SUPT3H: variants seen among roughly 807,000 people sequenced by gnomAD.
SUPT3H encodes the protein transcription initiation protein SPT3 homolog.
Under a neutral mutation model 44.3 loss-of-function variants are expected in SUPT3H, and 44 were observed. The observed-to-expected ratio is 0.99, with a 90% CI of 0.78 to 1.28. The LOEUF is 1.28. Among genes scored for constraint, SUPT3H ranks in the 50% most tolerant of loss-of-function variants. SUPT3H has a pLI of 0.00. For synonymous variants in SUPT3H, 124 were observed against 125.6 expected, an observed-to-expected ratio of 0.99 and a Z score of 0.09; for missense variants, 380 against 387.1, an observed-to-expected ratio of 0.98 and a Z score of 0.15.
chr6:44,952,786 T>C (rs1019898432), intron 9 of SUPT3H, among the ~76,000 whole-genome samples: 3 of 152,170 alleles, frequency 2.0e-5, no homozygotes, highest in Admixed American at 6.5e-5. Flanking sequence ...ACGGTTCCCA[T>C]AGCAAAGCCA....
chr6:45,348,908 A>G (rs955549996), intron 2 of SUPT3H, among the ~76,000 whole-genome samples: 1 of 152,016 alleles, frequency 6.6e-6, no homozygotes, highest in African/African-American at 2.4e-5. Flanking sequence ...TATCCTGTAC[A>G]TTTTCCTTCA....
intron 6 of SUPT3H, among the ~76,000 whole-genome samples, chr6:44,992,334 G>C (rs1157401295): frequency 1.3e-5 from 2 of 152,086 alleles, no homozygotes; most frequent in Non-Finnish European, 1.5e-5. Flanking sequence ...ATCCGTTTAG[G>C]CAAGACTAAA....
intron 2 of SUPT3H, among the ~76,000 whole-genome samples, chr6:45,143,915 CA>C (rs2153591693): frequency 6.6e-6 from 1 of 152,190 alleles, no homozygotes; most frequent in Admixed American, 6.6e-5. Flanking sequence ...TTACTATGAA[CA>C]CCTTTATATA....
chr6:44,861,139 A>G (rs1429122488), intron 10 of SUPT3H, among the ~76,000 whole-genome samples: 1 of 151,978 alleles, frequency 6.6e-6, no homozygotes, highest in Non-Finnish European at 1.5e-5. Context: ...GCTGGAGTGT[A>G]GTAGCACGAT....
chr6:45,045,529 A>G (rs1236394944), intron 3 of SUPT3H, among the ~76,000 whole-genome samples: 1 of 152,172 alleles, frequency 6.6e-6, no homozygotes, highest in Non-Finnish European at 1.5e-5. Flanking sequence ...GTTGCTTATC[A>G]GCTTAAGGAG....
chr6:45,175,042 TAAAA>T (rs1277434168), intron 2 of SUPT3H, among the ~76,000 whole-genome samples: 1 of 132,134 alleles, frequency 7.6e-6, no homozygotes. Context: ...AAAAAAAAAT[TAAAA>T]AAATTAAATG....
intron 11 of SUPT3H, among the ~76,000 whole-genome samples, chr6:44,814,049 T>C (rs1054868266): frequency 6.6e-5 from 10 of 152,052 alleles, no homozygotes; most frequent in Non-Finnish European, 1.3e-4. Flanking sequence ...CTACAACTGT[T>C]AAAGAATAAA....
At chr6:45,004,345 A>G (rs898140487) in intron 5 of SUPT3H, among the ~76,000 whole-genome samples, 2 of 152,032 alleles carry the variant, frequency 1.3e-5, no homozygotes, top group South Asian at 4.1e-4. Context: ...CACAAAGGAA[A>G]TCTTAAAAAG....
intron 10 of SUPT3H, among the ~76,000 whole-genome samples, chr6:44,925,165 A>C (rs1769335201): frequency 6.6e-6 from 1 of 152,190 alleles, no homozygotes; most frequent in Non-Finnish European, 1.5e-5. Flanking sequence ...GTACCCTCTA[A>C]TAAATTTACA....
chr6:44,911,590 A>G (rs1298327082), intron 10 of SUPT3H, among the ~76,000 whole-genome samples: 3 of 152,110 alleles, frequency 2.0e-5, no homozygotes, highest in African/African-American at 4.8e-5. Context: ...TTTTTATTAT[A>G]ATTTTTTGAA....
chr6:44,900,619 C>A (rs1321204112), intron 10 of SUPT3H, among the ~76,000 whole-genome samples: 2 of 152,216 alleles, frequency 1.3e-5, no homozygotes, highest in Admixed American at 1.3e-4. Flanking sequence ...AAACTAAAGG[C>A]AGCAGAATCC....
At chr6:45,158,294 A>T (rs111368153) in intron 2 of SUPT3H, among the ~76,000 whole-genome samples, 6,993 of 30,434 alleles carry the variant, frequency 0.23, 811 homozygotes, top group East Asian at 0.32. Flanking sequence ...ATATATATAT[A>T]TATATTTTTT....
intron 2 of SUPT3H, among the ~76,000 whole-genome samples, chr6:45,265,672 A>T (rs1490064567): frequency 6.6e-6 from 1 of 152,092 alleles, no homozygotes; most frequent in Non-Finnish European, 1.5e-5. Flanking sequence ...TTTAGAAATA[A>T]ATCTGCAGAA....
chr6:45,267,968 T>A (rs1307432227), intron 2 of SUPT3H, among the ~76,000 whole-genome samples: 1 of 152,218 alleles, frequency 6.6e-6, no homozygotes, highest in Non-Finnish European at 1.5e-5. Context: ...TTATTTGCTA[T>A]GCAACAATAG....
chr6:45,087,860 A>G (rs1796668874), intron 3 of SUPT3H, among the ~76,000 whole-genome samples: 1 of 152,018 alleles, frequency 6.6e-6, no homozygotes, highest in Admixed American at 6.6e-5. Context: ...GAAAACCATC[A>G]AGTTTGAAAA....
chr6:44,985,176 C>CAAAT (rs770281591), intron 6 of SUPT3H, among the ~76,000 whole-genome samples: 124 of 126,310 alleles, frequency 9.8e-4, no homozygotes, highest in Middle Eastern at 3.8e-3. Context: ...TCATCTCTAC[C>CAAAT]AAATAAATAA....
intron 2 of SUPT3H, among the ~76,000 whole-genome samples, chr6:45,290,110 T>G (rs1780075465): frequency 6.6e-6 from 1 of 151,854 alleles, no homozygotes; most frequent in African/African-American, 2.4e-5. Context: ...AGTCCAGGAG[T>G]TCAAGACTGC....
chr6:44,950,065 A>G (rs1375846228), intron 9 of SUPT3H, among the ~76,000 whole-genome samples: 1 of 152,242 alleles, frequency 6.6e-6, no homozygotes, highest in Non-Finnish European at 1.5e-5. Context: ...GCATAAACTG[A>G]TATGTTCAAG....
chr6:45,377,170 C>T (rs920209626), intron 1 of SUPT3H: 7 of 152,150 alleles, frequency 4.6e-5, no homozygotes, highest in Non-Finnish European at 7.3e-5. Context: ...CAGCACCTGG[C>T]GCTGTTCTAA....
Sources: gnomAD v4.1 joint callset for allele counts (sites outside exome capture counted in the v4.1 genomes callset) on GRCh38, gnomAD v4.1.1 for gene constraint, MANE v1.5 for transcripts, NCBI Gene and HGNC (gene_info 2026-07-23, HGNC 2026-07-21) for gene names.